PCDHA3: variants seen among roughly 807,000 people sequenced by gnomAD.
PCDHA3 encodes the protein protocadherin alpha 3.
A neutral mutation model predicts 62.2 loss-of-function variants in PCDHA3; 41 were observed. The observed-to-expected ratio is 0.66, with a 90% CI of 0.51 to 0.86. PCDHA3 has a LOEUF of 0.86. PCDHA3 is among the 40% of genes least tolerant of loss of function. The probability of loss-of-function intolerance (pLI) is 0.00; values close to 1 mark genes in which losing one functional copy is unlikely to be tolerated. For synonymous variants in PCDHA3, 640 were observed against 555.4 expected, an observed-to-expected ratio of 1.15 and a Z score of -2.14; for missense variants, 1,304 against 1,241.2, an observed-to-expected ratio of 1.05 and a Z score of -0.76.
rs568789486 is a variant in PCDHA3 at position 140,896,494 on chromosome 5, C to G, written c.2395-82455C>G. 6.6e-5 allele frequency among the ~76,000 whole-genome samples: 10 copies of G among 151,966 alleles called. No individual in the cohort carries two copies. In the East Asian group the frequency reaches 1.9e-3, roughly 29 times the overall value. On this transcript the variant is annotated intron_variant, in intron 1 of 3. Coordinates refer to ENST00000522353, the MANE Select transcript of PCDHA3 (RefSeq NM_018906.3). The stretch of plus-strand genomic sequence containing the variant: ...TCTCCTGCCTCAGCCTCCTGAGTAG[C>G]TGGGACTGTGCAGGCACACACCACA...
At chr5:140,824,610 G>GTTGTTTTTTTTT (rs1768193318) in intron 1 of PCDHA3, 1 of 95,104 alleles carries the variant, frequency 1.1e-5, no homozygotes, top group African/African-American at 4.9e-5. Flanking sequence ...GCTAATTAAA[G>GTTGTTTTTTTTT]TTTTTTTTTT....
chr5:140,875,505 C>T, intron 1 of PCDHA3: 6 of 1,613,560 alleles, frequency 3.7e-6, no homozygotes, highest in Non-Finnish European at 5.1e-6. Context: ...GCCCGGGATC[C>T]CAGCGTCTGC....
rs373157192 is a variant in PCDHA3 at position 140,869,487 on chromosome 5, C to T, written c.2394+65896C>T. On this transcript the variant is annotated intron_variant, in intron 1 of 3. Transcript: ENST00000522353. ...ACGTGGAGGTGAAGGACATTAACGA[C>T]AACCCGCCGGTGTTCTCGCTCAGAG... The T allele has an allele frequency of 5.2e-5, 84 of 1,614,180 alleles. No homozygotes were observed. The African/African-American group carries it at 8.9e-4, about 17-fold the overall frequency.
At chr5:140,804,797 A>C (rs1014699829) in intron 1 of PCDHA3, 20 of 290,524 alleles carry the variant, frequency 6.9e-5, no homozygotes, top group East Asian at 1.2e-4. Flanking sequence ...ACCACTGGAG[A>C]GAAATAGTAA....
At position 140,834,371 on chromosome 5, in the gene PCDHA3, C is replaced by G. The variant is rs2150215996; in HGVS notation, c.2394+30780C>G. Reference sequence around the variant, plus strand: ...AAGTTTTGCTGACTAGAAAAACAAGCCAATAATTTGAAATGGTGTGCCCGA... The same window carrying G: ...AAGTTTTGCTGACTAGAAAAACAAGGCAATAATTTGAAATGGTGTGCCCGA... On this transcript the variant is annotated intron_variant, in intron 1 of 3. Coordinates refer to ENST00000522353, the MANE Select transcript of PCDHA3 (RefSeq NM_018906.3). 3.9e-6 allele frequency: 6 copies of G among 1,557,822 alleles called. No individual in the cohort carries two copies. In the African/African-American group the frequency reaches 8.2e-5, roughly 21 times the overall value.
In PCDHA3 at chr5:140,982,553, T is replaced by A. The variant is rs782605920; in HGVS notation, c.2532T>A (p.Ser844Arg). The A allele has an allele frequency of 1.9e-5, 30 of 1,614,054 alleles. No homozygotes were observed. In the South Asian group the frequency reaches 3.2e-4, roughly 17 times the overall value. ...GPDQQWPTVS[S>R]ATPEPEAGEV... ...ATCAGCAGTGGCCAACAGTATCCAG[T>A]GCAACACCAGGTAAAGAGCTGGGGT... The change falls in exon 3 of 4, where the codon AGT (serine) becomes AGA (arginine). Residue 844 changes from serine (S) to arginine (R), a missense_variant. Transcript: ENST00000522353.
chr5:140,856,771 T>A, intron 1 of PCDHA3: 1 of 1,596,918 alleles, frequency 6.3e-7, no homozygotes, highest in Non-Finnish European at 8.6e-7. Flanking sequence ...CCCCTATCTT[T>A]GACAGACCGG....
chr5:140,802,697 G>T lies in PCDHA3; in HGVS notation c.1500G>T (p.Gly500=). 6.2e-7 allele frequency: 1 copy of T among 1,612,720 alleles called. No individual in the cohort carries two copies. The highest frequency in any genetic ancestry group is 1.1e-5 in the South Asian group (1 of 91,024). The part of the protein sequence containing the change: ...VSYSLVERRV[G]ERALSSYVSV... ...ACTCGCTGGTGGAACGGCGGGTGGG[G>T]GAGCGCGCGCTGTCGAGCTACGTGT... is the stretch of plus-strand genomic sequence containing the variant. The change falls in exon 1 of 4, where the codon GGG becomes GGT. Residue 500 remains glycine (G), a synonymous_variant. Coordinates refer to ENST00000522353, the MANE Select transcript of PCDHA3 (RefSeq NM_018906.3).
intron 1 of PCDHA3, among the ~76,000 whole-genome samples, chr5:140,873,542 T>C (rs2054341425): frequency 6.6e-6 from 1 of 152,130 alleles, no homozygotes; most frequent in Non-Finnish European, 1.5e-5. Context: ...GGTATAAAAT[T>C]ATAATTTCAA....
intron 1 of PCDHA3, chr5:140,968,646 C>T (rs2153772882): frequency 6.2e-7 from 1 of 1,614,216 alleles, no homozygotes; most frequent in Non-Finnish European, 8.5e-7. Context: ...CTAGCCCAGA[C>T]TTCTGACCTG....
chr5:140,994,272 C>G (rs1400320599), intron 3 of PCDHA3, among the ~76,000 whole-genome samples: 1 of 152,168 alleles, frequency 6.6e-6, no homozygotes, highest in Non-Finnish European at 1.5e-5. Context: ...GCTAGGCTGC[C>G]TTTCTTGAGA....
chr5:140,856,340 A>G (rs1554148561), intron 1 of PCDHA3: 1 of 1,598,438 alleles, frequency 6.3e-7, no homozygotes, highest in Non-Finnish European at 8.6e-7. Flanking sequence ...GTGCGGGCGG[A>G]GCGTGGAGTG....
chr5:140,802,461 G>C lies in PCDHA3; in HGVS notation c.1264G>C (p.Glu422Gln), dbSNP rs540789660. 3 of 1,614,214 alleles carry C rather than the reference G, an allele frequency of 1.9e-6. No individual in the cohort carries two copies. In the Admixed American group the frequency reaches 5.0e-5, roughly 27 times the overall value. Residue 422 changes from glutamate (E) to glutamine (Q), a missense_variant, in exon 1 of 4, where the codon GAG (glutamate) becomes CAG (glutamine). Physicochemically the swap from Glu to Gln is conservative, Grantham distance 29. Transcript: ENST00000522353. ...PLDRESVSAYELVVTARDGGS... is the reference protein window; with the variant it reads ...PLDRESVSAYQLVVTARDGGS... ...GGACCGCGAGAGCGTGTCGGCCTAT[G>C]AGCTGGTGGTGACTGCTCGGGACGG... is the stretch of plus-strand genomic sequence containing the variant.
intron 1 of PCDHA3, chr5:140,856,334 G>A: frequency 1.3e-6 from 2 of 1,598,614 alleles, no homozygotes; most frequent in Non-Finnish European, 1.7e-6. Context: ...GGAGCTGTGC[G>A]GGCGGAGCGT....
At position 140,929,511 on chromosome 5, in the gene PCDHA3, G is replaced by A. The variant is rs113234119; in HGVS notation, c.2395-49438G>A. On this transcript the variant is annotated intron_variant, in intron 1 of 3. Coordinates refer to ENST00000522353, the MANE Select transcript of PCDHA3 (RefSeq NM_018906.3). ...TTAGAAGATTGCCCTAGGCCTCAAG[G>A]GACTTATAGTTTATTTTTGAGAAAC... 1,947 of 781,082 alleles carry A rather than the reference G, an allele frequency of 2.5e-3. 24 individuals carry two copies. The African/African-American group carries it at 0.032, about 13-fold the overall frequency. 48.4% of individuals were successfully genotyped at this position (781,082 alleles called of 1,614,324 possible).
At chr5:140,870,292 G>A (rs782159013) in intron 1 of PCDHA3, 1 of 1,614,176 alleles carries the variant, frequency 6.2e-7, no homozygotes, top group Non-Finnish European at 8.5e-7. Context: ...CTTCAAGCTG[G>A]TGTCCACCTT....
At chr5:140,934,690 T>C (rs1263392505) in intron 1 of PCDHA3, among the ~76,000 whole-genome samples, 1 of 152,198 alleles carries the variant, frequency 6.6e-6, no homozygotes, top group Non-Finnish European at 1.5e-5. Flanking sequence ...AAACAATGAA[T>C]TGATTCCTGG....
intron 1 of PCDHA3, chr5:140,878,103 GA>G (rs748975221): frequency 2.9e-4 from 75 of 261,846 alleles, no homozygotes; most frequent in African/African-American, 1.3e-3. Context: ...GATGAACCTT[GA>G]AAAAAACAGT....
rs1296238860 is a variant in PCDHA3, at chr5:140,803,241, G to C, written c.2044G>C (p.Ala682Pro). ...SGQAPKASSQASAGATGPEAA... is the reference protein window; with the variant it reads ...SGQAPKASSQPSAGATGPEAA... ...CCAGGCACCCAAGGCCTCGTCCCAG[G>C]CGTCCGCTGGCGCCACGGGCCCGGA... is the stretch of plus-strand genomic sequence containing the variant. The change falls in exon 1 of 4, where the codon GCG (alanine) becomes CCG (proline). Residue 682 changes from alanine (A) to proline (P), a missense_variant. Transcript: ENST00000522353. The C allele has an allele frequency of 6.2e-7, 1 of 1,613,808 alleles. No homozygotes were observed. The highest frequency in any genetic ancestry group is 1.7e-5 in the Admixed American group (1 of 60,024).
Sources: allele counts gnomAD v4.1 joint callset (sites outside exome capture counted in the v4.1 genomes callset), GRCh38; gene constraint gnomAD v4.1.1; transcripts MANE v1.5; gene names NCBI Gene and HGNC (gene_info 2026-07-23, HGNC 2026-07-21).